The following CGNL1 variants were observed in gnomAD, a reference collection of about 807,000 sequenced individuals.
CGNL1 encodes cingulin-like protein 1.
In CGNL1, 132 loss-of-function variants were observed where a neutral mutation model predicts 141.2. The ratio of observed to expected loss-of-function variants is 0.93; its 90% CI spans 0.81 to 1.08. CGNL1 has a LOEUF of 1.08. CGNL1 is among the 50% of genes least tolerant of loss of function. The pLI, the probability that CGNL1 is intolerant of heterozygous loss-of-function variation, is 0.00. For missense variants in CGNL1, 1,870 were observed against 1,588.6 expected, an observed-to-expected ratio of 1.18 and a Z score of -3.01; for synonymous variants, 690 against 622.1, an observed-to-expected ratio of 1.11 and a Z score of -1.63.
At chr15:57,448,482 C>G (rs1427456347) in intron 4 of CGNL1, among the ~76,000 whole-genome samples, 1 of 151,954 alleles carries the variant, frequency 6.6e-6, no homozygotes, top group Admixed American at 6.5e-5. Flanking sequence ...AACCCTGTCT[C>G]TACTAAAAAT....
At chr15:57,450,399 C>G (rs1262241268) in intron 4 of CGNL1, among the ~76,000 whole-genome samples, 1 of 152,180 alleles carries the variant, frequency 6.6e-6, no homozygotes, top group Non-Finnish European at 1.5e-5. Context: ...GCCTCAGCCT[C>G]CTGAGTAGCT....
chr15:57,471,996 G>C (rs2063587865), intron 8 of CGNL1, among the ~76,000 whole-genome samples: 1 of 152,138 alleles, frequency 6.6e-6, no homozygotes, highest in Non-Finnish European at 1.5e-5. Flanking sequence ...CTAGCTACCA[G>C]GGTGTGTGAG....
chr15:57,515,120 A>G (rs2030663221), intron 8 of CGNL1, among the ~76,000 whole-genome samples: 1 of 152,074 alleles, frequency 6.6e-6, no homozygotes, highest in Non-Finnish European at 1.5e-5. Context: ...TTTCAACCAC[A>G]CTTTATTTCT....
intron 8 of CGNL1, among the ~76,000 whole-genome samples, chr15:57,473,641 A>G (rs140110830): frequency 2.0e-5 from 3 of 152,178 alleles, no homozygotes; most frequent in Middle Eastern, 6.8e-3. Flanking sequence ...TTGCTTTCTC[A>G]TGGATCTCTT....
chr15:57,393,482 C>G (rs16977457), intron 1 of CGNL1, among the ~76,000 whole-genome samples: 1 of 152,146 alleles, frequency 6.6e-6, no homozygotes, highest in Non-Finnish European at 1.5e-5. Flanking sequence ...TTTTGAAATA[C>G]AGAAAACAAG....
intron 1 of CGNL1, among the ~76,000 whole-genome samples, chr15:57,423,497 C>G (rs1027930229): frequency 6.6e-6 from 1 of 152,130 alleles, no homozygotes; most frequent in Non-Finnish European, 1.5e-5. Context: ...TATTTTTCCT[C>G]CATTCTTTTG....
Position 57,439,537 on chromosome 15 carries a change from C to A in CGNL1, c.1538C>A (p.Thr513Asn). ...TLMLQNRATA[T>N]SPDSGAKKIS... ...ATGTTACAGAACCGGGCAACAGCAA[C>A]TTCGCCTGATTCTGGTGCCAAGAAA... The change falls in exon 2 of 19, where the codon ACT (threonine) becomes AAT (asparagine). Residue 513 changes from threonine to asparagine, a missense_variant. Physicochemically the swap from Thr to Asn is moderately conservative, Grantham distance 65. Transcript: ENST00000281282. 6.2e-7 allele frequency: 1 copy of A among 1,614,160 alleles called. No homozygotes were observed. The highest frequency in any genetic ancestry group is 8.5e-7 in the Non-Finnish European group (1 of 1,180,032).
rs777269092 is a variant in CGNL1, at chr15:57,488,957, C to G, written c.2403+27065C>G. Among the ~76,000 whole-genome samples the G allele has an allele frequency of 3.9e-5, 6 of 152,294 alleles. No individual in the cohort carries two copies. The South Asian group carries it at 1.2e-3, about 32-fold the overall frequency. On this transcript the variant is annotated intron_variant, in intron 8 of 18. Coordinates refer to ENST00000281282, the MANE Select transcript of CGNL1 (RefSeq NM_032866.5). ...GGTTGAAATTGAAGCAGTAGCTGTT[C>G]AAGGACCTCTCACAACAGCCTGTCT... is the stretch of plus-strand genomic sequence containing the variant.
At chr15:57,402,015 C>G (rs1258658248) in intron 1 of CGNL1, 1 of 152,184 alleles carries the variant, frequency 6.6e-6, no homozygotes, top group Non-Finnish European at 1.5e-5. Flanking sequence ...TGGCTGAAGT[C>G]CAGCAGCCAT....
rs546237143 is a variant in CGNL1 at position 57,503,689 on chromosome 15, A to C, written c.2404-13091A>C. 2.0e-5 allele frequency among the ~76,000 whole-genome samples: 3 copies of C among 152,314 alleles called. No homozygotes were observed. The South Asian group carries it at 6.2e-4, about 32-fold the overall frequency. On this transcript the variant is annotated intron_variant, in intron 8 of 18. Coordinates refer to ENST00000281282, the MANE Select transcript of CGNL1 (RefSeq NM_032866.5). Reference sequence around the variant, plus strand: ...GGTTTAGTTGGACTTAGAGTTCCACATGGCTGGGGAGGCCTCAGAATTATG... The same window carrying C: ...GGTTTAGTTGGACTTAGAGTTCCACCTGGCTGGGGAGGCCTCAGAATTATG...
chr15:57,453,762 G>A lies in CGNL1; in HGVS notation c.2134G>A (p.Asp712Asn), dbSNP rs149480547. 672 of 1,613,858 alleles carry A rather than the reference G, an allele frequency of 4.2e-4. No individual in the cohort carries two copies. Among genetic ancestry groups the A allele is most frequent in the Non-Finnish European group, 5.3e-4 (622 of 1,179,948 alleles). Residue 712 changes from aspartate to asparagine, a missense_variant, in exon 7 of 19, where the codon GAT becomes AAT. By Grantham distance (23) the Asp-to-Asn change is conservative. Transcript: ENST00000281282. ...CCAGGACCAGCTCTCAGAAATGCAC[G>A]ATGAACTGGACAGTGCAAAGCGATC... ...DLQDQLSEMH[D>N]ELDSAKRSED...
chr15:57,453,889 T>C, intron 7 of CGNL1, 71 bp downstream of exon 7: 2 of 1,578,886 alleles, frequency 1.3e-6, no homozygotes, highest in South Asian at 2.3e-5. Flanking sequence ...GGCTAGGGTT[T>C]GTGGACTGCA....
At chr15:57,394,105 G>GTTTTTTTTTTTTTTT (rs1491022136) in intron 1 of CGNL1, 1 of 28,660 alleles carries the variant, frequency 3.5e-5, no homozygotes, top group Non-Finnish European at 7.8e-5. Flanking sequence ...ATTTCTGTTT[G>GTTTTTTTTTTTTTTT]TTTTTTTTTT....
chr15:57,419,709 A>G (rs888427795), intron 1 of CGNL1, among the ~76,000 whole-genome samples: 9 of 152,224 alleles, frequency 5.9e-5, no homozygotes, highest in African/African-American at 2.4e-5. Flanking sequence ...ATGATTTATC[A>G]CTACTGATAT....
chr15:57,508,405 A>C (rs1404954473), intron 8 of CGNL1, among the ~76,000 whole-genome samples: 1 of 152,240 alleles, frequency 6.6e-6, no homozygotes, highest in Non-Finnish European at 1.5e-5. Flanking sequence ...GTAAGTAGGC[A>C]AATCAAAAAG....
chr15:57,378,667 G>A (rs1250534259), intron 1 of CGNL1, among the ~76,000 whole-genome samples: 1 of 152,072 alleles, frequency 6.6e-6, no homozygotes, highest in Non-Finnish European at 1.5e-5. Context: ...ACAGGCATGA[G>A]CCACCGTGCC....
At chr15:57,476,303 A>T (rs1228819310) in intron 8 of CGNL1, among the ~76,000 whole-genome samples, 4 of 152,186 alleles carry the variant, frequency 2.6e-5, no homozygotes, top group South Asian at 2.1e-4. Context: ...GGGCAAGGAC[A>T]TTCTAGACGC....
intron 14 of CGNL1, among the ~76,000 whole-genome samples, chr15:57,537,984 A>G (rs1353954293): frequency 6.6e-6 from 1 of 151,724 alleles, no homozygotes; most frequent in African/African-American, 2.4e-5. Flanking sequence ...TGGCTCAGCC[A>G]AGCCATAGGT....
At chr15:57,377,756 T>C (rs2062381213) in intron 1 of CGNL1, among the ~76,000 whole-genome samples, 1 of 152,144 alleles carries the variant, frequency 6.6e-6, no homozygotes, top group Non-Finnish European at 1.5e-5. Context: ...CTTGTCAGGG[T>C]CAAGGTTATA....
Sources: allele counts gnomAD v4.1 joint callset (sites outside exome capture counted in the v4.1 genomes callset), GRCh38; gene constraint gnomAD v4.1.1; transcripts MANE v1.5; gene names NCBI Gene and HGNC (gene_info 2026-07-23, HGNC 2026-07-21).